Variants in FBXL18 observed in about 807,000 individuals in gnomAD.
The protein encoded by FBXL18 is F-box and leucine rich repeat protein 18.
In FBXL18, 36 loss-of-function variants were observed where a neutral mutation model predicts 46.0. That is an observed-to-expected ratio of 0.78 (90% CI 0.60 to 1.03). The LOEUF (loss-of-function observed/expected upper bound fraction) is 1.03. Among genes scored for constraint, FBXL18 ranks in the 50% least tolerant of loss-of-function variants. The pLI is 0.00. For missense variants in FBXL18, 977 were observed against 1,004.1 expected (o/e 0.97, Z 0.36); for synonymous variants, 557 against 465.3 (o/e 1.20, Z -2.54).
At chr7:5,508,996 A>T (rs909523683) in intron 1 of FBXL18, among the ~76,000 whole-genome samples, 4 of 151,868 alleles carry the variant, frequency 2.6e-5, no homozygotes, top group Non-Finnish European at 5.9e-5. Flanking sequence ...AGTTTGAGAC[A>T]GGCCTCGGCA....
At position 5,491,371 on chromosome 7, in the gene FBXL18, G is replaced by A. The variant is rs921323751; in HGVS notation, c.1860C>T (p.Cys620=). 1 of 1,609,594 alleles carries A rather than the reference G, an allele frequency of 6.2e-7. No individual in the cohort carries two copies. ...GGAGGGTGCCGCTGCGAGAGACCAGGCACAGGCGCTGCAGCGAGGGGCACT... is the reference window on the plus strand; with the variant it reads ...GGAGGGTGCCGCTGCGAGAGACCAGACACAGGCGCTGCAGCGAGGGGCACT... ...LSQCPSLQRL[C]LVSRSGTLQP... Residue 620 remains cysteine, a synonymous_variant, in exon 4 of 5, where the codon TGC becomes TGT. Transcript: ENST00000382368.
intron 4 of FBXL18, chr7:5,489,296 G>A (rs762190412): frequency 1.9e-6 from 1 of 518,906 alleles, no homozygotes; most frequent in Non-Finnish European, 3.8e-6. Context: ...TCATTCTCCA[G>A]GGAAAGTTGG....
chr7:5,470,706 G>A (rs1309630559), intron 4 of FBXL18, among the ~76,000 whole-genome samples: 1 of 1,172 alleles, frequency 8.5e-4, no homozygotes, highest in Non-Finnish European at 1.4e-3. Flanking sequence ...TCCCGGGGGG[G>A]AGATGTCCCC....
In FBXL18 at chr7:5,455,013, TAA is replaced by T. The variant is rs1404535205; in HGVS notation, c.2001-7172_2001-7171del. Among the ~76,000 whole-genome samples the T allele has an allele frequency of 3.9e-5, 6 of 152,316 alleles. No homozygotes were observed. The East Asian group carries it at 1.2e-3, about 29-fold the overall frequency. On this transcript the variant is annotated intron_variant and NMD_transcript_variant, in intron 4 of 6. Coordinates refer to the FBXL18 transcript ENST00000415009. This position sits in a 1 kb window ranked among gnomAD's most constrained non-coding sequence, Gnocchi z 4.6. ...AACCAGAGCCTGGAGGGTGGTGCTC[TAA>T]GAGTGATCCCAGTCACACTGGCACT...
rs1041280830 is a variant in FBXL18, at chr7:5,483,448, G to GA, written c.2001-1518dup. 7.5e-5 allele frequency among the ~76,000 whole-genome samples: 8 copies of GA among 106,728 alleles called. No homozygotes were observed. The East Asian group carries it at 1.6e-3, about 22-fold the overall frequency. The allele number at this position is 106,728 out of a possible 152,430, so 70.0% of individuals were successfully genotyped here. The stretch of plus-strand genomic sequence containing the variant: ...AGAGCGAGACTCCATCTCAAAAAAA[G>GA]AAAAAAAAAATCGAGGCTGAGCGCA... On this transcript the variant is annotated intron_variant, in intron 4 of 4. Transcript: ENST00000382368.
intron 4 of FBXL18, among the ~76,000 whole-genome samples, chr7:5,463,712 A>ATATATT (rs1783292419): frequency 1.8e-5 from 1 of 56,470 alleles, no homozygotes; most frequent in Non-Finnish European, 3.2e-5. Context: ...ATATTTATTT[A>ATATATT]TTTATTTATT....
At chr7:5,484,676 T>C (rs1012049325) in intron 4 of FBXL18, among the ~76,000 whole-genome samples, 2 of 150,062 alleles carry the variant, frequency 1.3e-5, no homozygotes, top group African/African-American at 2.5e-5. Context: ...TCTTACTCTG[T>C]CGCCCCGGCT....
At chr7:5,471,807 C>T (rs998184379), downstream of FBXL18, among the ~76,000 whole-genome samples, 1 of 152,176 alleles carries the variant, frequency 6.6e-6, no homozygotes, top group African/African-American at 2.4e-5. Flanking sequence ...TGGCGTAGTG[C>T]CCCCCACAAA....
At chr7:5,504,968 A>G (rs545400178) in intron 2 of FBXL18, among the ~76,000 whole-genome samples, 1 of 150,576 alleles carries the variant, frequency 6.6e-6, no homozygotes, top group East Asian at 1.9e-4. Flanking sequence ...TAAAACTTAA[A>G]AAACTGACAG....
At chr7:5,461,756 T>C (rs1052146034) in intron 4 of FBXL18, among the ~76,000 whole-genome samples, 1 of 151,582 alleles carries the variant, frequency 6.6e-6, no homozygotes, top group Non-Finnish European at 1.5e-5. Flanking sequence ...GCCTGGCCAA[T>C]ATGGTGAAAC....
In FBXL18 at chr7:5,481,995, G is replaced by C. The variant is rs1783660457; in HGVS notation, c.2001-64C>G. Reference sequence around the variant, plus strand: ...GCCACGGAGGGGGCGGAGCCTGCTGGGGAAGCCCAGGAGGCACTCACACCT... The same window carrying C: ...GCCACGGAGGGGGCGGAGCCTGCTGCGGAAGCCCAGGAGGCACTCACACCT... On this transcript the variant is annotated intron_variant, in intron 4 of 4. Transcript: ENST00000382368. 9 of 1,534,370 alleles carry C rather than the reference G, an allele frequency of 5.9e-6. No individual in the cohort carries two copies. In the Admixed American group the frequency reaches 8.0e-5, roughly 14 times the overall value.
intron 4 of FBXL18, among the ~76,000 whole-genome samples, chr7:5,469,682 C>G (rs568352052): frequency 6.6e-6 from 1 of 150,714 alleles, no homozygotes; most frequent in Non-Finnish European, 1.5e-5. Flanking sequence ...AGCGTGGGAG[C>G]GTGCCGTGGA....
At chr7:5,495,753 C>A (rs1287458600) in intron 3 of FBXL18, 2 of 470,056 alleles carry the variant, frequency 4.3e-6, no homozygotes, top group Non-Finnish European at 8.8e-6. Context: ...AAGCGAGTGC[C>A]ACCTGCTCCT....
At chr7:5,512,833 G>A (rs1784574596) in intron 1 of FBXL18, among the ~76,000 whole-genome samples, 1 of 152,098 alleles carries the variant, frequency 6.6e-6, no homozygotes, top group African/African-American at 2.4e-5. Flanking sequence ...GAAGGGCGGT[G>A]AGCACAGCGA....
chr7:5,488,992 T>A (rs11970786), intron 4 of FBXL18, among the ~76,000 whole-genome samples: 25,639 of 152,142 alleles, frequency 0.17, 2,382 homozygotes, highest in African/African-American at 0.24. Flanking sequence ...GATGCTAAGA[T>A]GTGGGGAAGC....
Position 5,462,996 on chromosome 7 carries a change from A to ATAT in FBXL18, c.2001-15154_2001-15153insATA, listed in dbSNP as rs59380871. Among the ~76,000 whole-genome samples, 183 of 27,768 alleles carry ATAT rather than the reference A, an allele frequency of 6.6e-3. 12 individuals are homozygous for ATAT. Among genetic ancestry groups the ATAT allele is most frequent in the East Asian group, 0.035 (33 of 936 alleles). 18.2% of individuals were successfully genotyped at this position (27,768 alleles called of 152,430 possible). A position where few individuals can be genotyped will look rare whatever the true frequency, so the allele number is the denominator to read the frequency against. On this transcript the variant is annotated intron_variant and NMD_transcript_variant, in intron 4 of 6. Transcript: ENST00000415009. ...TATATATATATATATATATATATAT[A>ATAT]ATATATATACACACACACATGCATA...
At chr7:5,502,560 G>A (rs1490801960) in intron 2 of FBXL18, among the ~76,000 whole-genome samples, 1 of 151,704 alleles carries the variant, frequency 6.6e-6, no homozygotes, top group East Asian at 1.9e-4. Flanking sequence ...GCCGGGCCCG[G>A]TGGCTCACGC....
At chr7:5,463,324 G>C (rs534654096) in intron 4 of FBXL18, among the ~76,000 whole-genome samples, 3 of 151,866 alleles carry the variant, frequency 2.0e-5, no homozygotes, top group African/African-American at 7.3e-5. Flanking sequence ...GTCCACCTAA[G>C]AATTTGGCCA....
intron 4 of FBXL18, among the ~76,000 whole-genome samples, chr7:5,467,307 C>T (rs1013394498): frequency 5.9e-5 from 9 of 151,878 alleles, no homozygotes; most frequent in African/African-American, 1.5e-4. Flanking sequence ...GCCGAGATTG[C>T]GCCACTGCAC....
Sources: allele counts gnomAD v4.1 joint callset (sites outside exome capture counted in the v4.1 genomes callset), GRCh38; gene constraint gnomAD v4.1.1; non-coding constraint Gnocchi (gnomAD v3.1); transcripts MANE v1.5; gene names NCBI Gene and HGNC (gene_info 2026-07-23, HGNC 2026-07-21).